The following ZMYM1 variants were observed in gnomAD, a reference collection of about 807,000 sequenced individuals.
ZMYM1 encodes zinc finger MYM-type protein 1.
In ZMYM1, 39 loss-of-function variants were observed where a neutral mutation model predicts 60.0. That is an observed-to-expected ratio of 0.65 (90% CI 0.50 to 0.85). ZMYM1 has a LOEUF of 0.85. Ranked by LOEUF, ZMYM1 falls within the 40% of genes least tolerant of loss-of-function variation. ZMYM1 has a pLI of 0.00. For synonymous variants in ZMYM1, 413 were observed against 454.0 expected (o/e 0.91, Z 1.15); for missense variants, 1,171 against 1,309.5 (o/e 0.89, Z 1.63).
intron 4 of ZMYM1, 196 bp downstream of exon 4, chr1:35,097,762 A>C (rs1178989002): frequency 1.7e-6 from 1 of 588,126 alleles, no homozygotes; most frequent in African/African-American, 1.9e-5. Context: ...CTCCTGCCTC[A>C]GCCTCCCAAG....
rs539396563 is a variant in ZMYM1, at chr1:35,106,882, C to T, written c.807+2113C>T. 1.5e-4 allele frequency among the ~76,000 whole-genome samples: 22 copies of T among 151,388 alleles called. No individual in the cohort carries two copies. In the East Asian group the frequency reaches 3.8e-3, roughly 26 times the overall value. ...TTGTTTGTTTTTTGAGACGGAGTCTCGCTCTGTCGCCCAGGCTGGAGTGCA... is the reference window on the plus strand; with the variant it reads ...TTGTTTGTTTTTTGAGACGGAGTCTTGCTCTGTCGCCCAGGCTGGAGTGCA... On this transcript the variant is annotated intron_variant, in intron 6 of 9. Transcript: ENST00000359858.
chr1:35,113,557 A>T lies in ZMYM1; in HGVS notation c.1727A>T (p.Gln576Leu). 1 of 1,613,636 alleles carries T rather than the reference A, an allele frequency of 6.2e-7. No individual in the cohort carries two copies. The highest frequency in any genetic ancestry group is 8.5e-7 in the Non-Finnish European group (1 of 1,179,850). Reference protein sequence around the residue: ...KQCLPLRGNDQSVSSVNKGNF... With the variant: ...KQCLPLRGNDLSVSSVNKGNF... ...TGTTTACCCTTAAGAGGAAACGACC[A>T]GTCAGTTTCATCTGTGAATAAAGGC... The change falls in exon 10 of 10, where the codon CAG (glutamine) becomes CTG (leucine). Residue 576 changes from glutamine (Q) to leucine (L), a missense_variant. Transcript: ENST00000359858.
chr1:35,060,686 A>G (rs556501303), intron 1 of ZMYM1, among the ~76,000 whole-genome samples: 24 of 152,158 alleles, frequency 1.6e-4, no homozygotes, highest in Non-Finnish European at 3.5e-4. Context: ...CCAGAAATCT[A>G]CAAAGGAGGG....
rs1435974238 is a variant in ZMYM1, at chr1:35,110,867, G to A, written c.961+420G>A. On this transcript the variant is annotated intron_variant, in intron 7 of 9. Transcript: ENST00000359858. Reference sequence around the variant, plus strand: ...GAGAATCATTTGAACCTGGGTGGTGGAGGTTGCAGTGAGCCGAGATCGCAC... The same window carrying A: ...GAGAATCATTTGAACCTGGGTGGTGAAGGTTGCAGTGAGCCGAGATCGCAC... Among the ~76,000 whole-genome samples, 7 of 152,140 alleles carry A rather than the reference G, an allele frequency of 4.6e-5. 1 individual carries two copies. The East Asian group carries it at 1.3e-3, about 29-fold the overall frequency.
intron 6 of ZMYM1, among the ~76,000 whole-genome samples, chr1:35,108,434 C>G (rs1302557311): frequency 6.6e-6 from 1 of 152,092 alleles, no homozygotes; most frequent in Non-Finnish European, 1.5e-5. Flanking sequence ...TCACTGCAAC[C>G]TCCGCCTCCC....
At chr1:35,112,023 G>C in intron 8 of ZMYM1, 64 bp from the exon 9 acceptor site, 1 of 1,567,810 alleles carries the variant, frequency 6.4e-7, no homozygotes, top group Non-Finnish European at 8.7e-7. Flanking sequence ...AGCAAATATA[G>C]TTTATGATGC....
intron 1 of ZMYM1, among the ~76,000 whole-genome samples, chr1:35,089,738 C>CTT (rs71029065): frequency 0.021 from 1,282 of 60,976 alleles, 246 homozygotes; most frequent in African/African-American, 0.066. Flanking sequence ...AGTTGTAAGG[C>CTT]TTTTTTTTTT....
At chr1:35,065,910 C>T (rs1457768559) in intron 1 of ZMYM1, among the ~76,000 whole-genome samples, 1 of 152,072 alleles carries the variant, frequency 6.6e-6, no homozygotes, top group African/African-American at 2.4e-5. Flanking sequence ...CCACTAACAA[C>T]TCTACCCATA....
chr1:35,117,092 A>C (rs1241370369), downstream of ZMYM1, among the ~76,000 whole-genome samples: 1 of 149,484 alleles, frequency 6.7e-6, no homozygotes, highest in Non-Finnish European at 1.5e-5. Context: ...CGGCCTCCCA[A>C]AGTGCTGGGA....
chr1:35,105,291 C>A (rs1363068430), intron 6 of ZMYM1, among the ~76,000 whole-genome samples: 6 of 151,054 alleles, frequency 4.0e-5, no homozygotes, highest in Non-Finnish European at 7.4e-5. Flanking sequence ...CCCGCCACCA[C>A]CACGCCTGGC....
chr1:35,079,715 G>T (rs1246121862), intron 1 of ZMYM1, among the ~76,000 whole-genome samples: 1 of 152,216 alleles, frequency 6.6e-6, no homozygotes, highest in African/African-American at 2.4e-5. Flanking sequence ...TCCTGCTCCT[G>T]TGTAGTAACT....
intron 6 of ZMYM1, among the ~76,000 whole-genome samples, chr1:35,109,152 A>C (rs1190378697): frequency 6.6e-6 from 1 of 151,706 alleles, no homozygotes; most frequent in Non-Finnish European, 1.5e-5. Flanking sequence ...CTCACAAGTA[A>C]ATGGGACTAC....
Position 35,097,368 on chromosome 1 carries a change from A to G in ZMYM1, c.221A>G (p.Asn74Ser), listed in dbSNP as rs1234325509. Reference sequence around the variant, plus strand: ...CTTTCTCTGGCATCATCTGGCGTGAATAAAATGCTTCCTTCAGTTTCAACC... The same window carrying G: ...CTTTCTCTGGCATCATCTGGCGTGAGTAAAATGCTTCCTTCAGTTTCAACC... ...IQLSLASSGV[N>S]KMLPSVSTTA... Residue 74 changes from asparagine (N) to serine (S), a missense_variant, in exon 4 of 10, where the codon AAT becomes AGT. Physicochemically the swap from Asn to Ser is conservative, Grantham distance 46. Coordinates refer to ENST00000359858, the MANE Select transcript of ZMYM1 (RefSeq NM_024772.5). 11 of 1,614,106 alleles carry G rather than the reference A, an allele frequency of 6.8e-6. No individual in the cohort carries two copies. The highest frequency in any genetic ancestry group is 9.3e-6 in the Non-Finnish European group (11 of 1,180,006).
At chr1:35,063,005 C>T (rs1371496530) in intron 1 of ZMYM1, among the ~76,000 whole-genome samples, 1 of 152,192 alleles carries the variant, frequency 6.6e-6, no homozygotes, top group East Asian at 1.9e-4. Context: ...GGTCTAGTGG[C>T]TTTCTTGGCA....
At chr1:35,104,814 A>C (rs200919147) in intron 6 of ZMYM1, 45 bp downstream of exon 6, 1 of 1,528,894 alleles carries the variant, frequency 6.5e-7, no homozygotes, top group Non-Finnish European at 9.0e-7. Flanking sequence ...TGGCCTATGA[A>C]TGGTTTCACT....
rs543243202 is a variant in ZMYM1, at chr1:35,107,053, G to A, written c.807+2284G>A. On this transcript the variant is annotated intron_variant, in intron 6 of 9. Coordinates refer to ENST00000359858, the MANE Select transcript of ZMYM1 (RefSeq NM_024772.5). Reference sequence around the variant, plus strand: ...TTTTTAGTAGAGACAGGGTTTCACCGTGTTAGCCAGGATGGTCTCAATCTC... The same window carrying A: ...TTTTTAGTAGAGACAGGGTTTCACCATGTTAGCCAGGATGGTCTCAATCTC... Among the ~76,000 whole-genome samples the A allele has an allele frequency of 5.5e-3, 829 of 150,780 alleles. 12 individuals carry two copies. Among genetic ancestry groups the A allele is most frequent in the African/African-American group, 0.019 (774 of 41,318 alleles).
chr1:35,110,456 T>C lies in ZMYM1; in HGVS notation c.961+9T>C. 6.8e-7 allele frequency: 1 copy of C among 1,468,918 alleles called. No individual in the cohort carries two copies. The allele number at this position is 1,468,918 out of a possible 1,614,324, so 91.0% of individuals were successfully genotyped here. On this transcript the variant is annotated intron_variant, in intron 7 of 9. Coordinates refer to ENST00000359858, the MANE Select transcript of ZMYM1 (RefSeq NM_024772.5). Reference sequence around the variant, plus strand: ...GATGGAATCTTCTTCAGGTAATGTTTGTTTAGCAATTGTAGGGGTTTAGTA... The same window carrying C: ...GATGGAATCTTCTTCAGGTAATGTTCGTTTAGCAATTGTAGGGGTTTAGTA...
At chr1:35,106,788 T>G (rs771188235) in intron 6 of ZMYM1, among the ~76,000 whole-genome samples, 1 of 152,018 alleles carries the variant, frequency 6.6e-6, no homozygotes, top group Non-Finnish European at 1.5e-5. Flanking sequence ...TATTCCTTTT[T>G]TTTTCTTTCT....
chr1:35,114,357 G>A lies in ZMYM1; in HGVS notation c.2527G>A (p.Ala843Thr), dbSNP rs766598129. Residue 843 changes from alanine (A) to threonine (T), a missense_variant, in exon 10 of 10, where the codon GCC (alanine) becomes ACC (threonine). Ala to Thr is a moderately conservative substitution (Grantham distance 58, BLOSUM62 0). Coordinates refer to ENST00000359858, the MANE Select transcript of ZMYM1 (RefSeq NM_024772.5). ...AAGCCATTCTTCAAATACAAGTTTC[G>A]CCGATGAATTGAGTCATTTGCTGAC... is the stretch of plus-strand genomic sequence containing the variant. The part of the protein sequence containing the change: ...IASHSSNTSF[A>T]DELSHLLTLV... 78 of 1,611,846 alleles carry A rather than the reference G, an allele frequency of 4.8e-5. No individual in the cohort carries two copies. The highest frequency in any genetic ancestry group is 5.8e-5 in the Non-Finnish European group (68 of 1,179,284).
Sources: gnomAD v4.1 joint callset for allele counts (sites outside exome capture counted in the v4.1 genomes callset) on GRCh38, gnomAD v4.1.1 for gene constraint, MANE v1.5 for transcripts, NCBI Gene and HGNC (gene_info 2026-07-23, HGNC 2026-07-21) for gene names.